The following ADAMTS17 variants were observed in gnomAD, a reference collection of about 807,000 sequenced individuals.
ADAMTS17 encodes A disintegrin and metalloproteinase with thrombospondin motifs 17.
Under a neutral mutation model 141.5 loss-of-function variants are expected in ADAMTS17, and 113 were observed. That is an observed-to-expected ratio of 0.80 (90% CI 0.69 to 0.93). The LOEUF (loss-of-function observed/expected upper bound fraction) is 0.93, where lower values mean the gene tolerates loss of function less well. ADAMTS17 is among the 40% of genes least tolerant of loss of function. The pLI, the probability that ADAMTS17 is intolerant of heterozygous loss-of-function variation, is 0.00. For missense variants in ADAMTS17, 1,659 were observed against 1,517.9 expected (o/e 1.09, Z -1.54); for synonymous variants, 768 against 630.6 (o/e 1.22, Z -3.27).
intron 14 of ADAMTS17, among the ~76,000 whole-genome samples, chr15:100,100,007 T>C (rs2035997910): frequency 6.6e-6 from 1 of 152,184 alleles, no homozygotes; most frequent in South Asian, 2.1e-4. Flanking sequence ...AGTGGACGTG[T>C]CTCCAGCCTC....
chr15:100,114,126 T>C (rs555876849), intron 13 of ADAMTS17, among the ~76,000 whole-genome samples: 7 of 152,110 alleles, frequency 4.6e-5, no homozygotes, highest in Admixed American at 1.3e-4. Flanking sequence ...AATCCTCCCT[T>C]GGAAAATCTA....
At chr15:100,025,506 G>A (rs562863686) in intron 18 of ADAMTS17, among the ~76,000 whole-genome samples, 11 of 151,516 alleles carry the variant, frequency 7.3e-5, no homozygotes, top group African/African-American at 2.7e-4. Flanking sequence ...CCACCCCCAG[G>A]GTTCAAGCAA....
At chr15:100,246,867 T>TTTTATTTATTTATTTA (rs10525188) in intron 7 of ADAMTS17, among the ~76,000 whole-genome samples, 2,451 of 146,570 alleles carry the variant, frequency 0.017, 79 homozygotes, top group African/African-American at 0.056. Context: ...GCCCTTTTAT[T>TTTTATTTATTTATTTA]TTTATTTATT....
intron 8 of ADAMTS17, among the ~76,000 whole-genome samples, chr15:100,159,819 C>T (rs1306502961): frequency 3.3e-5 from 5 of 152,294 alleles, no homozygotes; most frequent in East Asian, 1.9e-4. Context: ...TTGGAAGCAA[C>T]GAGGCAAATG....
At chr15:100,331,803 C>T (rs1482222259) in intron 2 of ADAMTS17, among the ~76,000 whole-genome samples, 1 of 152,182 alleles carries the variant, frequency 6.6e-6, no homozygotes, top group East Asian at 1.9e-4. Context: ...CCCTGGTTCT[C>T]AAAGCCTAGC....
intron 19 of ADAMTS17, among the ~76,000 whole-genome samples, chr15:99,994,845 C>T (rs531702770): frequency 7.4e-4 from 112 of 152,338 alleles, no homozygotes; most frequent in South Asian, 5.0e-3. Flanking sequence ...ATTACAGGTG[C>T]GAGCCATTGC....
At chr15:100,057,912 C>T (rs2032728220) in intron 15 of ADAMTS17, among the ~76,000 whole-genome samples, 1 of 152,044 alleles carries the variant, frequency 6.6e-6, no homozygotes, top group Non-Finnish European at 1.5e-5. Flanking sequence ...TGGTGCTCAG[C>T]AACTGAGAGC....
At chr15:100,300,453 T>C (rs989988256) in intron 3 of ADAMTS17, among the ~76,000 whole-genome samples, 2 of 152,164 alleles carry the variant, frequency 1.3e-5, no homozygotes, top group Non-Finnish European at 2.9e-5. Flanking sequence ...CCCACAGTGA[T>C]ATGGAGCTCA....
chr15:100,163,827 G>A (rs1596156329), intron 8 of ADAMTS17, among the ~76,000 whole-genome samples: 1 of 152,082 alleles, frequency 6.6e-6, no homozygotes, highest in Non-Finnish European at 1.5e-5. Flanking sequence ...TTAGACTCTC[G>A]CTCTGTCAAG....
chr15:100,158,466 A>G (rs764467113), intron 8 of ADAMTS17, among the ~76,000 whole-genome samples: 2 of 152,230 alleles, frequency 1.3e-5, no homozygotes, highest in Non-Finnish European at 2.9e-5. Context: ...AACACTTCAC[A>G]TGAGAGCTGC....
chr15:100,096,819 G>A (rs1050176039), intron 14 of ADAMTS17, among the ~76,000 whole-genome samples: 3 of 152,228 alleles, frequency 2.0e-5, no homozygotes, highest in African/African-American at 7.2e-5. Flanking sequence ...AGTGAAGCCT[G>A]AACCCTCACA....
Position 100,074,695 on chromosome 15 carries a change from G to A in ADAMTS17, c.2138-20641C>T, listed in dbSNP as rs553777366. 1.1e-4 allele frequency among the ~76,000 whole-genome samples: 16 copies of A among 152,040 alleles called. No individual in the cohort carries two copies. In the South Asian group the frequency reaches 3.3e-3, roughly 32 times the overall value. ...CTGTAATTGTTCTTATGCTTCCTTT[G>A]TTGGATTCGGTTTTGGTATCAGTAT... On this transcript the variant is annotated intron_variant, in intron 15 of 21. Transcript: ENST00000268070.
chr15:100,214,276 T>C (rs541306913), intron 7 of ADAMTS17, among the ~76,000 whole-genome samples: 1 of 152,296 alleles, frequency 6.6e-6, no homozygotes, highest in South Asian at 2.1e-4. Context: ...GTGAAGAAGG[T>C]TCTACCTTAT....
intron 4 of ADAMTS17, among the ~76,000 whole-genome samples, chr15:100,267,163 C>A (rs74039123): frequency 6.6e-6 from 1 of 152,246 alleles, no homozygotes; most frequent in East Asian, 1.9e-4. Context: ...CCACTGCCCC[C>A]CACCCAACCC....
chr15:100,195,536 A>G (rs2041078873), intron 8 of ADAMTS17, among the ~76,000 whole-genome samples: 1 of 150,172 alleles, frequency 6.7e-6, no homozygotes, highest in African/African-American at 2.5e-5. Flanking sequence ...TCACATTTTC[A>G]CATTTTCACC....
At chr15:99,979,987 G>C (rs956568209) in intron 20 of ADAMTS17, 1 of 152,148 alleles carries the variant, frequency 6.6e-6, no homozygotes, top group Non-Finnish European at 1.5e-5. Flanking sequence ...CATATAATCA[G>C]GGTTAATTTC....
intron 12 of ADAMTS17, among the ~76,000 whole-genome samples, chr15:100,117,270 G>C (rs1214934561): frequency 5.3e-5 from 8 of 152,136 alleles, no homozygotes; most frequent in Non-Finnish European, 1.0e-4. Flanking sequence ...GTGAGTATGA[G>C]TTTGGCAAGA....
intron 2 of ADAMTS17, among the ~76,000 whole-genome samples, chr15:100,334,839 C>T (rs988312896): frequency 5.9e-5 from 9 of 152,180 alleles, no homozygotes; most frequent in Non-Finnish European, 1.3e-4. Flanking sequence ...GACCACTAGT[C>T]AGTGCCAGCC....
intron 2 of ADAMTS17, 125 bp downstream of exon 2, chr15:100,340,914 G>C: frequency 1.4e-6 from 2 of 1,410,388 alleles, no homozygotes; most frequent in South Asian, 1.2e-5. Flanking sequence ...GAAAGGCAGG[G>C]GGTTCCCTCC....
Sources: gnomAD v4.1 joint callset for allele counts (sites outside exome capture counted in the v4.1 genomes callset) on GRCh38, gnomAD v4.1.1 for gene constraint, MANE v1.5 for transcripts, NCBI Gene and HGNC (gene_info 2026-07-23, HGNC 2026-07-21) for gene names.